CLCN7: variants seen among roughly 807,000 people sequenced by gnomAD.
The protein encoded by CLCN7 is Cl-/H+ antiporter 7.
Under a neutral mutation model 102.1 loss-of-function variants are expected in CLCN7, and 60 were observed. The ratio of observed to expected loss-of-function variants is 0.59; its 90% CI spans 0.48 to 0.73. The LOEUF is 0.73. Ranked by LOEUF, CLCN7 falls within the 30% of genes least tolerant of loss-of-function variation. CLCN7 has a pLI of 0.00. For missense variants in CLCN7, 962 were observed against 1,125.7 expected (o/e 0.85, Z 2.08); for synonymous variants, 560 against 490.5 (o/e 1.14, Z -1.87).
intron 21 of CLCN7, 33 bp from the exon 22 acceptor site, chr16:1,447,747 C>A (rs2142366269): frequency 6.5e-7 from 1 of 1,547,942 alleles, no homozygotes; most frequent in Admixed American, 2.0e-5. Context: ...GGGCCACGGG[C>A]CCGAGGGTGG....
intron 17 of CLCN7, chr16:1,449,900 A>G (rs1216898198): frequency 5.5e-6 from 1 of 181,274 alleles, no homozygotes; most frequent in Non-Finnish European, 1.2e-5. Context: ...CCTTGTGCGG[A>G]GGGAGATGGG....
chr16:1,454,460 C>G lies in CLCN7; in HGVS notation c.1104G>C (p.Met368Ile), dbSNP rs775143967. 6.2e-7 allele frequency: 1 copy of G among 1,613,676 alleles called. No individual in the cohort carries two copies. Among genetic ancestry groups the G allele is most frequent in the East Asian group, 2.2e-5 (1 of 44,872 alleles). Residue 368 changes from methionine to isoleucine, a missense_variant, in exon 13 of 25, where the codon ATG becomes ATC. Transcript: ENST00000382745. ...CCGGGATCTCGTGGATCGTGTAGGCCATTTTCTGTGCAGAGAGAGGGAGAA... is the reference window on the plus strand; with the variant it reads ...CCGGGATCTCGTGGATCGTGTAGGCGATTTTCTGTGCAGAGAGAGGGAGAA... ...INFGRFDSEKMAYTIHEIPVF... is the reference protein window; with the variant it reads ...INFGRFDSEKIAYTIHEIPVF...
In CLCN7 at chr16:1,447,478, G is replaced by C; in HGVS notation, c.2164C>G (p.Gln722Glu). The stretch of plus-strand genomic sequence containing the variant: ...TCGTCCTGGGACACGTGGATGGACT[G>C]GATGGGTGGGAAGCGCGGGTAGGCG... ...RDAYPRFPPI[Q>E]SIHVSQDERE... The change falls in exon 23 of 25, where the codon CAG becomes GAG. Residue 722 changes from glutamine to glutamate, a missense_variant. Coordinates refer to ENST00000382745, the MANE Select transcript of CLCN7 (RefSeq NM_001287.6). 2 of 1,553,240 alleles carry C rather than the reference G, an allele frequency of 1.3e-6. No homozygotes were observed. The highest frequency in any genetic ancestry group is 1.7e-6 in the Non-Finnish European group (2 of 1,148,526).
rs1407958242 is a variant in CLCN7 at position 1,460,635 on chromosome 16, G to A, written c.485-108C>T. 9 of 1,254,492 alleles carry A rather than the reference G, an allele frequency of 7.2e-6. No homozygotes were observed. In the East Asian group the frequency reaches 1.2e-4, roughly 17 times the overall value. The allele number at this position is 1,254,492 out of a possible 1,614,324, so 77.7% of individuals were successfully genotyped here. ...GGCAGATGCCACCCTGCTGGGTGGA[G>A]CCATGATGTTCACTGGACATCCCAG... is the stretch of plus-strand genomic sequence containing the variant. On this transcript the variant is annotated intron_variant, in intron 5 of 24. Transcript: ENST00000382745.
At position 1,448,435 on chromosome 16, in the gene CLCN7, C is replaced by T. The variant is rs370657753; in HGVS notation, c.1933G>A (p.Gly645Ser). ...TCGCTCAGCACGTCCACAATGACGC[C>T]GACCTTCTCACGCCGCCTCAGGCAG... Reference protein sequence around the residue: ...VTCLRRREKVGVIVDVLSDTA... With the variant: ...VTCLRRREKVSVIVDVLSDTA... Residue 645 changes from glycine (G) to serine (S), a missense_variant, in exon 21 of 25, where the codon GGC (glycine) becomes AGC (serine). By Grantham distance (56) the Gly-to-Ser change is moderately conservative (BLOSUM62 0). This residue lies in a region of CLCN7 where 799 missense variants were observed against 988.0 expected (regional missense o/e 0.81). Transcript: ENST00000382745. 29 of 1,612,300 alleles carry T rather than the reference C, an allele frequency of 1.8e-5. No individual in the cohort carries two copies. Among genetic ancestry groups the T allele is most frequent in the East Asian group, 6.7e-5 (3 of 44,880 alleles).
chr16:1,452,313 G>A (rs1212380113), intron 15 of CLCN7: 2 of 245,742 alleles, frequency 8.1e-6, no homozygotes, highest in Non-Finnish European at 1.6e-5. Flanking sequence ...TACGTCGCGT[G>A]ACCTCACGTG....
At chr16:1,448,174 C>G (rs985758545) in intron 21 of CLCN7, 181 bp downstream of exon 21, 20 of 860,102 alleles carry the variant, frequency 2.3e-5, no homozygotes, top group African/African-American at 1.8e-4. Flanking sequence ...GCAGCCCCCC[C>G]CACCAGCCTC....
intron 10 of CLCN7, 148 bp downstream of exon 10, chr16:1,455,965 A>C (rs530473398): frequency 7.2e-6 from 7 of 975,448 alleles, no homozygotes; most frequent in South Asian, 1.5e-5. Flanking sequence ...GGCTGGACCC[A>C]AGTACACTGC....
chr16:1,448,856 C>T, intron 19 of CLCN7, 90 bp from the exon 20 acceptor site: 1 of 1,597,612 alleles, frequency 6.3e-7, no homozygotes, highest in Non-Finnish European at 8.5e-7. Flanking sequence ...AGGCCGCCCC[C>T]AGAAACCCTG....
chr16:1,447,308 C>T (rs1251775770), intron 23 of CLCN7, 84 bp downstream of exon 23: 25 of 1,396,138 alleles, frequency 1.8e-5, no homozygotes, highest in Middle Eastern at 2.5e-4. Flanking sequence ...TGGCCCCCCC[C>T]GGCTGCCCCT....
At position 1,447,450 on chromosome 16, in the gene CLCN7, C is replaced by G; in HGVS notation, c.2192G>C (p.Arg731Pro). 6.4e-7 allele frequency: 1 copy of G among 1,552,366 alleles called. No homozygotes were observed. The highest frequency in any genetic ancestry group is 8.7e-7 in the Non-Finnish European group (1 of 1,148,034). The part of the protein sequence containing the change: ...IQSIHVSQDE[R>P]ECTMDLSEFM... ...CTCGGAGAGGTCCATGGTGCACTCC[C>G]GCTCGTCCTGGGACACGTGGATGGA... Residue 731 changes from arginine (R) to proline (P), a missense_variant, in exon 23 of 25, where the codon CGG becomes CCG. Physicochemically the swap from Arg to Pro is moderately radical, Grantham distance 103. Transcript: ENST00000382745.
rs2142385431 is a variant in CLCN7, at chr16:1,459,183, A to C, written c.599T>G (p.Val200Gly). 6 of 1,613,062 alleles carry C rather than the reference A, an allele frequency of 3.7e-6. No homozygotes were observed. The highest frequency in any genetic ancestry group is 4.2e-6 in the Non-Finnish European group (5 of 1,179,836). ...CTGGGGGATTCCGCTGCCAGCAGCC[A>C]CCGGCTGAAAGAGGGGAAGCACGGC... Reference protein sequence around the residue: ...GSVIVAFIEPVAAGSGIPQIK... With the variant: ...GSVIVAFIEPGAAGSGIPQIK... Residue 200 changes from valine (V) to glycine (G), a missense_variant, in exon 7 of 25, where the codon GTG (valine) becomes GGG (glycine). By Grantham distance (109) the Val-to-Gly change is moderately radical. Around this residue, in one of 2 missense-constraint regions of CLCN7, gnomAD observed 799 missense variants for 988.0 expected, o/e 0.81. Coordinates refer to ENST00000382745, the MANE Select transcript of CLCN7 (RefSeq NM_001287.6).
At chr16:1,460,991 G>A (rs778712851) in intron 4 of CLCN7, 43 bp from the exon 5 acceptor site, 13 of 1,605,166 alleles carry the variant, frequency 8.1e-6, no homozygotes, top group African/African-American at 1.3e-5. Context: ...GGGCCCTGGC[G>A]CAGTCACTCT....
In CLCN7 at chr16:1,455,716, T is replaced by G; in HGVS notation, c.981+15A>C. On this transcript the variant is annotated intron_variant, in intron 11 of 24. Coordinates refer to ENST00000382745, the MANE Select transcript of CLCN7 (RefSeq NM_001287.6). ...ATGCACCCTGATCAGGAGGCAGCCATCAGCAGGAACTTACGATCCTCCAGG... is the reference window on the plus strand; with the variant it reads ...ATGCACCCTGATCAGGAGGCAGCCAGCAGCAGGAACTTACGATCCTCCAGG... 2 of 1,613,102 alleles carry G rather than the reference T, an allele frequency of 1.2e-6. No homozygotes were observed. The highest frequency in any genetic ancestry group is 1.7e-6 in the Non-Finnish European group (2 of 1,179,422).
At position 1,448,420 on chromosome 16, in the gene CLCN7, C is replaced by A. The variant is rs1320715848; in HGVS notation, c.1948G>T (p.Val650Leu). ...RREKVGVIVD[V>L]LSDTASNHNG... ...TGATTGGACGCCGTGTCGCTCAGCACGTCCACAATGACGCCGACCTTCTCA... is the reference window on the plus strand; with the variant it reads ...TGATTGGACGCCGTGTCGCTCAGCAAGTCCACAATGACGCCGACCTTCTCA... The change falls in exon 21 of 25, where the codon GTG becomes TTG. Residue 650 changes from valine to leucine, a missense_variant. Around this residue, in one of 2 missense-constraint regions of CLCN7, gnomAD observed 799 missense variants for 988.0 expected, o/e 0.81. Coordinates refer to ENST00000382745, the MANE Select transcript of CLCN7 (RefSeq NM_001287.6). 1 of 1,612,496 alleles carries A rather than the reference C, an allele frequency of 6.2e-7. No individual in the cohort carries two copies. The highest frequency in any genetic ancestry group is 8.5e-7 in the Non-Finnish European group (1 of 1,179,978).
intron 1 of CLCN7, chr16:1,474,014 G>A (rs1394638170): frequency 2.5e-6 from 1 of 393,698 alleles, no homozygotes; most frequent in African/African-American, 2.1e-5. Context: ...AACTCGGGAG[G>A]TGGGGGTTGC....
intron 1 of CLCN7, among the ~76,000 whole-genome samples, chr16:1,466,079 T>C (rs1176996162): frequency 6.6e-6 from 1 of 152,236 alleles, no homozygotes; most frequent in Non-Finnish European, 1.5e-5. Context: ...CCTGAATCTT[T>C]AGCAACATCT....
chr16:1,448,497 C>T lies in CLCN7; in HGVS notation c.1884-13G>A. ...GCTCATCACCTCCCTGCCGGAGGAG[C>T]CCGGCCACACATGCCCGTCACACGC... On this transcript the variant is annotated splice_polypyrimidine_tract_variant and intron_variant, in intron 20 of 24. Coordinates refer to ENST00000382745, the MANE Select transcript of CLCN7 (RefSeq NM_001287.6). The T allele has an allele frequency of 6.2e-7, 1 of 1,607,634 alleles. No individual in the cohort carries two copies. Among genetic ancestry groups the T allele is most frequent in the Non-Finnish European group, 8.5e-7 (1 of 1,179,916 alleles).
Position 1,457,285 on chromosome 16 carries a change from C to A in CLCN7, c.791G>T (p.Gly264Val). 6.2e-7 allele frequency: 1 copy of A among 1,614,072 alleles called. No individual in the cohort carries two copies. The change falls in exon 9 of 25, where the codon GGA becomes GTA. Residue 264 changes from glycine to valine, a missense_variant. Physicochemically the swap from Gly to Val is moderately radical, Grantham distance 109 (BLOSUM62 -3). Around this residue, in one of 2 missense-constraint regions of CLCN7, gnomAD observed 799 missense variants for 988.0 expected, o/e 0.81. Coordinates refer to ENST00000382745, the MANE Select transcript of CLCN7 (RefSeq NM_001287.6). The surrounding 1 kb of genome is among the most constrained non-coding windows in gnomAD (Gnocchi z 5.4). ...ATCTCGTTTCAGTGACGTTGACCTTCCCTGAGAGATCCCGGCGGCAATCAC... is the reference window on the plus strand; with the variant it reads ...ATCTCGTTTCAGTGACGTTGACCTTACCTGAGAGATCCCGGCGGCAATCAC... ...GSVIAAGISQGRSTSLKRDFK... is the reference protein window; with the variant it reads ...GSVIAAGISQVRSTSLKRDFK...
Sources: allele counts gnomAD v4.1 joint callset (sites outside exome capture counted in the v4.1 genomes callset), GRCh38; gene constraint gnomAD v4.1.1; regional missense constraint gnomAD v4.1.1; non-coding constraint Gnocchi (gnomAD v3.1); transcripts MANE v1.5; gene names NCBI Gene and HGNC (gene_info 2026-07-23, HGNC 2026-07-21).